CDYL2: variants seen among roughly 807,000 people sequenced by gnomAD.
CDYL2 encodes the protein chromodomain Y like 2, also known as chromodomain Y-like protein 2.
A neutral mutation model predicts 49.4 loss-of-function variants in CDYL2; 23 were observed. That is an observed-to-expected ratio of 0.47 (90% CI 0.34 to 0.66). The LOEUF (loss-of-function observed/expected upper bound fraction) is 0.66, where lower values mean the gene tolerates loss of function less well. CDYL2 is among the 30% of genes least tolerant of loss of function. The pLI is 0.01. For missense variants in CDYL2, 678 were observed against 656.4 expected, an observed-to-expected ratio of 1.03 and a Z score of -0.36; for synonymous variants, 360 against 268.8, an observed-to-expected ratio of 1.34 and a Z score of -3.32.
intron 1 of CDYL2, among the ~76,000 whole-genome samples, chr16:80,761,113 C>G (rs1906512840): frequency 6.6e-6 from 1 of 152,144 alleles, no homozygotes. Context: ...CATCACCTGG[C>G]TGGGGGGAGA....
chr16:80,765,614 A>G (rs1906692600), intron 1 of CDYL2, among the ~76,000 whole-genome samples: 1 of 151,172 alleles, frequency 6.6e-6, no homozygotes, highest in African/African-American at 2.4e-5. Flanking sequence ...TTGTACACAG[A>G]TGTTCACAGC....
chr16:80,674,643 C>T (rs564896705), intron 2 of CDYL2, among the ~76,000 whole-genome samples: 41 of 152,310 alleles, frequency 2.7e-4, no homozygotes, highest in South Asian at 6.2e-4. Flanking sequence ...CCCCTGGCAA[C>T]GGCTAATCTA....
chr16:80,601,411 T>A lies in CDYL2; in HGVS notation c.*2977A>T, dbSNP rs1276532979. The A allele has an allele frequency of 6.6e-6, 1 of 152,102 alleles. No homozygotes were observed. The highest frequency in any genetic ancestry group is 1.5e-5 in the Non-Finnish European group (1 of 68,050). The allele number at this position is 152,102 out of a possible 1,614,324, so 9.4% of individuals were successfully genotyped here. ...CCCAAAGGTAATTGCAGGACGGGGC[T>A]GCCAAAATGAGCCGCAATTCCTCAA... On this transcript the variant is annotated 3_prime_UTR_variant, in exon 7 of 7. Transcript: ENST00000570137.
intron 1 of CDYL2, among the ~76,000 whole-genome samples, chr16:80,766,970 T>G (rs375851274): frequency 4.1e-4 from 62 of 152,296 alleles, no homozygotes; most frequent in African/African-American, 1.3e-3. Flanking sequence ...TGCCCCCATT[T>G]TGCAGATGAA....
intron 1 of CDYL2, among the ~76,000 whole-genome samples, chr16:80,767,983 G>T (rs1475209918): frequency 6.6e-6 from 1 of 152,096 alleles, no homozygotes; most frequent in African/African-American, 2.4e-5. Flanking sequence ...CTCTTAAAAT[G>T]AATTAACCCA....
chr16:80,624,436 C>T (rs1400640121), intron 3 of CDYL2, among the ~76,000 whole-genome samples: 1 of 152,102 alleles, frequency 6.6e-6, no homozygotes, highest in African/African-American at 2.4e-5. Flanking sequence ...AAAAAATTAA[C>T]ACAGAAATTG....
At chr16:80,771,088 C>T (rs191782625) in intron 1 of CDYL2, among the ~76,000 whole-genome samples, 22 of 152,286 alleles carry the variant, frequency 1.4e-4, no homozygotes, top group Admixed American at 4.6e-4. Flanking sequence ...CATCTGAACT[C>T]CCCAGAAAAG....
chr16:80,794,627 T>C (rs1907713720), intron 1 of CDYL2, among the ~76,000 whole-genome samples: 1 of 134,030 alleles, frequency 7.5e-6, no homozygotes, highest in Non-Finnish European at 1.5e-5. Flanking sequence ...TTTTTTTTTT[T>C]TGGGACAGAG....
intron 1 of CDYL2, among the ~76,000 whole-genome samples, chr16:80,735,729 C>T (rs1405357995): frequency 6.6e-6 from 1 of 152,204 alleles, no homozygotes; most frequent in Admixed American, 6.5e-5. Flanking sequence ...AATCACTGGA[C>T]TCTCGACAGA....
At chr16:80,745,192 C>A (rs138959471) in intron 1 of CDYL2, among the ~76,000 whole-genome samples, 27 of 152,264 alleles carry the variant, frequency 1.8e-4, no homozygotes, top group Middle Eastern at 3.4e-3. Flanking sequence ...GCCCGAGGGT[C>A]CCCCAGCTAG....
At chr16:80,777,452 CTATT>C (rs58757519) in intron 1 of CDYL2, among the ~76,000 whole-genome samples, 8,291 of 151,718 alleles carry the variant, frequency 0.055, 366 homozygotes, top group African/African-American at 0.11. Flanking sequence ...AAAAAAAAAT[CTATT>C]TAAGAGACAA....
chr16:80,716,453 G>A (rs140418242), intron 1 of CDYL2, among the ~76,000 whole-genome samples: 1 of 151,850 alleles, frequency 6.6e-6, no homozygotes, highest in Non-Finnish European at 1.5e-5. Flanking sequence ...TGGATGCATG[G>A]ATGGATGAAT....
chr16:80,700,053 G>A (rs375050020), intron 1 of CDYL2, among the ~76,000 whole-genome samples: 3 of 152,038 alleles, frequency 2.0e-5, no homozygotes, highest in Non-Finnish European at 2.9e-5. Flanking sequence ...TAGAGACGGG[G>A]TTTCACCATG....
chr16:80,639,676 C>T (rs983633693), intron 2 of CDYL2: 1 of 455,674 alleles, frequency 2.2e-6, no homozygotes, highest in African/African-American at 2.0e-5. Flanking sequence ...TCACAGGACC[C>T]GGTTTTAACT....
chr16:80,637,276 T>C (rs1907878000), intron 2 of CDYL2, among the ~76,000 whole-genome samples: 1 of 152,036 alleles, frequency 6.6e-6, no homozygotes, highest in Admixed American at 6.6e-5. Context: ...GCAAAGAACA[T>C]CTACAAAATA....
At chr16:80,641,839 T>G (rs555884569) in intron 2 of CDYL2, among the ~76,000 whole-genome samples, 1 of 151,402 alleles carries the variant, frequency 6.6e-6, no homozygotes, top group South Asian at 2.1e-4. Flanking sequence ...ATGGCACATG[T>G]ATACATATGT....
chr16:80,679,959 C>T (rs1259336564), intron 2 of CDYL2, among the ~76,000 whole-genome samples: 1 of 152,150 alleles, frequency 6.6e-6, no homozygotes, highest in Non-Finnish European at 1.5e-5. Context: ...ATTCTGACGC[C>T]GGATCCATGT....
At chr16:80,712,726 G>A (rs1170276815) in intron 1 of CDYL2, among the ~76,000 whole-genome samples, 1 of 152,148 alleles carries the variant, frequency 6.6e-6, no homozygotes, top group African/African-American at 2.4e-5. Flanking sequence ...TGGGATGAAT[G>A]GGAAATGCAT....
intron 1 of CDYL2, among the ~76,000 whole-genome samples, chr16:80,753,169 G>A (rs909003149): frequency 9.2e-5 from 14 of 151,410 alleles, no homozygotes; most frequent in African/African-American, 3.2e-4. Context: ...CAAAGAAACA[G>A]AAACACACAT....
Sources: gnomAD v4.1 joint callset for allele counts (sites outside exome capture counted in the v4.1 genomes callset) on GRCh38, gnomAD v4.1.1 for gene constraint, MANE v1.5 for transcripts, NCBI Gene and HGNC (gene_info 2026-07-23, HGNC 2026-07-21) for gene names.